Variants in CELF4 observed in about 807,000 individuals in gnomAD.
CELF4 encodes the protein CUG-BP- and ETR-3-like factor 4.
Under a neutral mutation model 59.9 loss-of-function variants are expected in CELF4, and 18 were observed. The ratio of observed to expected loss-of-function variants is 0.30; its 90% CI spans 0.21 to 0.45. CELF4 has a LOEUF of 0.45. Among genes scored for constraint, CELF4 ranks in the 20% least tolerant of loss-of-function variants. CELF4 has a pLI of 1.00. For missense variants in CELF4, 456 were observed against 689.0 expected, an observed-to-expected ratio of 0.66 and a Z score of 3.79; for synonymous variants, 261 against 267.1, an observed-to-expected ratio of 0.98 and a Z score of 0.22.
intron 2 of CELF4, among the ~76,000 whole-genome samples, chr18:37,374,215 G>T (rs1338807400): frequency 6.6e-6 from 1 of 152,198 alleles, no homozygotes; most frequent in Non-Finnish European, 1.5e-5. Context: ...CCCTTCCTTA[G>T]TTCAGCCCTT....
chr18:37,270,756 A>G lies in CELF4; in HGVS notation c.1099+12T>C, dbSNP rs2090784543. 6.2e-6 allele frequency: 10 copies of G among 1,613,752 alleles called. No individual in the cohort carries two copies. In the South Asian group the frequency reaches 9.9e-5, roughly 16 times the overall value. The stretch of plus-strand genomic sequence containing the variant: ...GCTGCATACGGAAATAAGTGCTGAC[A>G]GATGTGCTTACCTGGGTAGGGGTGG... On this transcript the variant is annotated intron_variant, in intron 8 of 12. Transcript: ENST00000420428.
At chr18:37,552,366 G>A (rs866676538) in intron 1 of CELF4, among the ~76,000 whole-genome samples, 6 of 152,176 alleles carry the variant, frequency 3.9e-5, no homozygotes, top group Admixed American at 6.5e-5. Context: ...GGTATGTCCC[G>A]CCACAGCCTA....
Position 37,307,302 on chromosome 18 carries a change from C to T in CELF4, c.448+14501G>A, listed in dbSNP as rs1353476622. ...AGCCCCACAGTCGTGGGGCAATCAG[C>T]ACGCTCTGTGATGAATGGAGCCTGT... On this transcript the variant is annotated intron_variant, in intron 3 of 12. Coordinates refer to ENST00000420428, the MANE Select transcript of CELF4 (RefSeq NM_020180.4). 2.0e-5 allele frequency among the ~76,000 whole-genome samples: 3 copies of T among 152,192 alleles called. No homozygotes were observed. The East Asian group carries it at 5.8e-4, about 29-fold the overall frequency.
At chr18:37,422,906 C>T (rs149952856) in intron 2 of CELF4, among the ~76,000 whole-genome samples, 274 of 152,322 alleles carry the variant, frequency 1.8e-3, no homozygotes, top group African/African-American at 6.0e-3. Flanking sequence ...ATGAGCACAA[C>T]GCAAAATTTC....
chr18:37,426,939 T>C (rs1297162371), intron 2 of CELF4, among the ~76,000 whole-genome samples: 1 of 135,346 alleles, frequency 7.4e-6, no homozygotes, highest in Non-Finnish European at 1.5e-5. Flanking sequence ...TTAATCCCAA[T>C]CACTCCAGAC....
At chr18:37,472,366 T>A (rs1175194426) in intron 2 of CELF4, among the ~76,000 whole-genome samples, 2 of 152,212 alleles carry the variant, frequency 1.3e-5, no homozygotes, top group African/African-American at 4.8e-5. Flanking sequence ...CTGCTACGCA[T>A]CCTGCGTTGG....
chr18:37,466,087 G>A (rs949038486), intron 2 of CELF4, among the ~76,000 whole-genome samples: 1 of 152,218 alleles, frequency 6.6e-6, no homozygotes, highest in Non-Finnish European at 1.5e-5. Context: ...CTGGGATGAG[G>A]CTCCACAAGG....
intron 2 of CELF4, among the ~76,000 whole-genome samples, chr18:37,373,466 C>T (rs537316950): frequency 1.5e-4 from 23 of 152,324 alleles, no homozygotes; most frequent in African/African-American, 5.5e-4. Flanking sequence ...GCCTCTGCTC[C>T]CTGGGGAACT....
chr18:37,274,193 C>G, intron 6 of CELF4, 118 bp downstream of exon 6: 3 of 1,518,106 alleles, frequency 2.0e-6, no homozygotes, highest in Non-Finnish European at 2.6e-6. Flanking sequence ...CCCGGCCCCT[C>G]CTCACTCTGG....
At chr18:37,397,425 G>C (rs948676509) in intron 2 of CELF4, among the ~76,000 whole-genome samples, 6 of 152,286 alleles carry the variant, frequency 3.9e-5, no homozygotes, top group Middle Eastern at 3.4e-3. Flanking sequence ...GGCAAGGGCA[G>C]GACCATCTGG....
At chr18:37,386,740 G>A (rs1238105542) in intron 2 of CELF4, among the ~76,000 whole-genome samples, 1 of 152,146 alleles carries the variant, frequency 6.6e-6, no homozygotes, top group Admixed American at 6.5e-5. Flanking sequence ...AACTGTTATG[G>A]TCCTAAATAG....
chr18:37,273,808 C>T (rs1247981948), intron 6 of CELF4: 1 of 989,374 alleles, frequency 1.0e-6, no homozygotes, highest in African/African-American at 1.7e-5. Context: ...CAGAGTGGGC[C>T]CCCATGTGGA....
intron 8 of CELF4, among the ~76,000 whole-genome samples, chr18:37,268,504 A>G (rs1291286963): frequency 6.6e-6 from 1 of 152,256 alleles, no homozygotes; most frequent in East Asian, 1.9e-4. Context: ...CTCATGCAAA[A>G]TATAACCTGC....
intron 2 of CELF4, among the ~76,000 whole-genome samples, chr18:37,463,128 T>A (rs894163214): frequency 6.6e-6 from 1 of 152,144 alleles, no homozygotes; most frequent in African/African-American, 2.4e-5. Context: ...CTGATGTGAT[T>A]TGTAGATGCA....
intron 3 of CELF4, among the ~76,000 whole-genome samples, chr18:37,294,818 A>T (rs551342920): frequency 6.6e-6 from 1 of 152,186 alleles, no homozygotes; most frequent in Non-Finnish European, 1.5e-5. Context: ...ATGGGGCCAG[A>T]TTTGATCTCC....
chr18:37,476,762 C>G (rs913884897), intron 2 of CELF4, among the ~76,000 whole-genome samples: 1 of 152,150 alleles, frequency 6.6e-6, no homozygotes, highest in Non-Finnish European at 1.5e-5. Context: ...CGTTTTCTGG[C>G]GAAAGGTCAA....
chr18:37,446,037 G>A (rs552460353), intron 2 of CELF4, among the ~76,000 whole-genome samples: 1 of 152,290 alleles, frequency 6.6e-6, no homozygotes, highest in Admixed American at 6.5e-5. Context: ...GCGAGAGCCC[G>A]GACTTTGACC....
chr18:37,485,898 C>A, intron 1 of CELF4: 1 of 264,848 alleles, frequency 3.8e-6, no homozygotes, highest in Non-Finnish European at 7.1e-6. Context: ...CTCCTTACCC[C>A]GTACCCTGGT....
In CELF4 at chr18:37,307,673, C is replaced by T. The variant is rs73948881; in HGVS notation, c.448+14130G>A. 3.0e-3 allele frequency among the ~76,000 whole-genome samples: 464 copies of T among 152,158 alleles called. 1 individual carries two copies. Among genetic ancestry groups the T allele is most frequent in the African/African-American group, 0.011 (437 of 41,544 alleles). ...AGCCTGAAGGTAGGGAGGACGTCTG[C>T]GTAGAGATGGGCCTCATGGTACAAG... On this transcript the variant is annotated intron_variant, in intron 3 of 12. Coordinates refer to ENST00000420428, the MANE Select transcript of CELF4 (RefSeq NM_020180.4).
Sources: gnomAD v4.1 joint callset for allele counts (sites outside exome capture counted in the v4.1 genomes callset) on GRCh38, gnomAD v4.1.1 for gene constraint, MANE v1.5 for transcripts, NCBI Gene and HGNC (gene_info 2026-07-23, HGNC 2026-07-21) for gene names.